NXPH1: variants seen among roughly 807,000 people sequenced by gnomAD.
NXPH1 encodes the protein neurexophilin-1.
In NXPH1, 5 loss-of-function variants were observed where a neutral mutation model predicts 23.7. The ratio of observed to expected loss-of-function variants is 0.21; its 90% CI spans 0.11 to 0.44. The LOEUF (loss-of-function observed/expected upper bound fraction) is 0.44, where lower values mean the gene tolerates loss of function less well. Among genes scored for constraint, NXPH1 ranks in the 20% least tolerant of loss-of-function variants. The pLI is 0.99. For synonymous variants in NXPH1, 144 were observed against 122.2 expected, an observed-to-expected ratio of 1.18 and a Z score of -1.18; for missense variants, 324 against 321.6, an observed-to-expected ratio of 1.01 and a Z score of -0.06.
At chr7:8,557,626 C>T (rs1353988617) in intron 2 of NXPH1, among the ~76,000 whole-genome samples, 2 of 151,744 alleles carry the variant, frequency 1.3e-5, no homozygotes, top group African/African-American at 2.4e-5. Flanking sequence ...TGGGGTTTTA[C>T]CCATTGTTAT....
intron 2 of NXPH1, among the ~76,000 whole-genome samples, chr7:8,600,897 G>T (rs28600327): frequency 1.3e-5 from 2 of 151,458 alleles, no homozygotes; most frequent in Non-Finnish European, 2.9e-5. Flanking sequence ...ATTAAAAAAA[G>T]TTATGTCTGT....
At chr7:8,504,869 G>A (rs1368530155) in intron 2 of NXPH1, among the ~76,000 whole-genome samples, 3 of 152,142 alleles carry the variant, frequency 2.0e-5, no homozygotes, top group Non-Finnish European at 2.9e-5. Context: ...ACCAGACACC[G>A]GATCTGCTGG....
intron 2 of NXPH1, among the ~76,000 whole-genome samples, chr7:8,642,694 A>G (rs764478819): frequency 3.3e-5 from 5 of 152,130 alleles, no homozygotes; most frequent in Non-Finnish European, 7.4e-5. Context: ...CTATTCGTCC[A>G]TATTTTCATA....
At chr7:8,520,130 T>G (rs1482331946) in intron 2 of NXPH1, among the ~76,000 whole-genome samples, 1 of 152,142 alleles carries the variant, frequency 6.6e-6, no homozygotes, top group Non-Finnish European at 1.5e-5. Flanking sequence ...AACTCCTTGA[T>G]CATGTGTCAC....
At chr7:8,627,219 A>C (rs1243821696) in intron 2 of NXPH1, among the ~76,000 whole-genome samples, 1 of 152,112 alleles carries the variant, frequency 6.6e-6, no homozygotes, top group Non-Finnish European at 1.5e-5. Context: ...TATTATTTAC[A>C]TACCTGGGAA....
chr7:8,530,865 A>C (rs1817940000), intron 2 of NXPH1, among the ~76,000 whole-genome samples: 1 of 152,242 alleles, frequency 6.6e-6, no homozygotes, highest in East Asian at 1.9e-4. Flanking sequence ...AGTTAATACC[A>C]ATTTATTTGT....
intron 2 of NXPH1, among the ~76,000 whole-genome samples, chr7:8,513,205 C>G (rs1027832090): frequency 1.6e-4 from 24 of 152,102 alleles, no homozygotes; most frequent in South Asian, 6.2e-4. Flanking sequence ...AGGAATTTTA[C>G]AGGTGGATGA....
chr7:8,743,600 G>T (rs1043872784), intron 2 of NXPH1, among the ~76,000 whole-genome samples: 5 of 151,938 alleles, frequency 3.3e-5, no homozygotes, highest in Middle Eastern at 3.2e-3. Flanking sequence ...ATTATGAGAT[G>T]ATATTAGAAC....
At chr7:8,621,213 C>A (rs17152820) in intron 2 of NXPH1, among the ~76,000 whole-genome samples, 1 of 152,116 alleles carries the variant, frequency 6.6e-6, no homozygotes, top group South Asian at 2.1e-4. Context: ...AAGTGATAGT[C>A]ACCATGAAAG....
At chr7:8,635,736 T>C (rs1820209057) in intron 2 of NXPH1, among the ~76,000 whole-genome samples, 1 of 152,224 alleles carries the variant, frequency 6.6e-6, no homozygotes, top group African/African-American at 2.4e-5. Flanking sequence ...GAATTGTTTC[T>C]TGGAAGCATT....
At chr7:8,569,981 A>G (rs1818615130) in intron 2 of NXPH1, among the ~76,000 whole-genome samples, 1 of 151,870 alleles carries the variant, frequency 6.6e-6, no homozygotes, top group Non-Finnish European at 1.5e-5. Context: ...AAATATGACA[A>G]TGTATGTAAA....
chr7:8,703,124 TATC>T lies in NXPH1; in HGVS notation c.55-47883_55-47881del, dbSNP rs544482120. On this transcript the variant is annotated intron_variant, in intron 2 of 2. Transcript: ENST00000405863. ...TAGTAATTGAAGTTGAATGGAAACT[TATC>T]TTGGCCTTCCCCAAATCAGCCTCAT... is the stretch of plus-strand genomic sequence containing the variant. Among the ~76,000 whole-genome samples, 5 of 152,186 alleles carry T rather than the reference TATC, an allele frequency of 3.3e-5. No homozygotes were observed. In the East Asian group the frequency reaches 9.7e-4, roughly 29 times the overall value.
chr7:8,682,483 A>G (rs566011523), intron 2 of NXPH1, among the ~76,000 whole-genome samples: 1 of 152,360 alleles, frequency 6.6e-6, no homozygotes, highest in South Asian at 2.1e-4. Context: ...TGGAATATTT[A>G]CAAGATACCA....
At chr7:8,562,245 A>G (rs1818457812) in intron 2 of NXPH1, among the ~76,000 whole-genome samples, 1 of 151,748 alleles carries the variant, frequency 6.6e-6, no homozygotes, top group Non-Finnish European at 1.5e-5. Flanking sequence ...GAGGCTTTTT[A>G]AGAAGAGGTT....
intron 2 of NXPH1, among the ~76,000 whole-genome samples, chr7:8,645,812 A>G (rs766172247): frequency 6.6e-6 from 1 of 152,098 alleles, no homozygotes; most frequent in African/African-American, 2.4e-5. Flanking sequence ...TGGAATTCCC[A>G]ACACCATTAT....
At chr7:8,593,480 C>A (rs1304035216) in intron 2 of NXPH1, among the ~76,000 whole-genome samples, 1 of 151,756 alleles carries the variant, frequency 6.6e-6, no homozygotes, top group East Asian at 1.9e-4. Context: ...AAGTTGATTT[C>A]TCTTCCCTTG....
chr7:8,731,712 C>T (rs912718178), intron 2 of NXPH1, among the ~76,000 whole-genome samples: 1 of 152,226 alleles, frequency 6.6e-6, no homozygotes, highest in Non-Finnish European at 1.5e-5. Flanking sequence ...AGATCTCCAG[C>T]TGCATGCTGG....
At chr7:8,679,542 A>C (rs1190292049) in intron 2 of NXPH1, among the ~76,000 whole-genome samples, 3 of 152,224 alleles carry the variant, frequency 2.0e-5, no homozygotes, top group Non-Finnish European at 4.4e-5. Flanking sequence ...TTAATTGTTA[A>C]AATCTTATTG....
intron 2 of NXPH1, among the ~76,000 whole-genome samples, chr7:8,585,020 T>C (rs554018124): frequency 1.3e-5 from 2 of 152,206 alleles, no homozygotes; most frequent in Non-Finnish European, 2.9e-5. Flanking sequence ...ATTTTACATT[T>C]TGATTACTTT....
Sources: gnomAD v4.1 joint callset for allele counts (sites outside exome capture counted in the v4.1 genomes callset) on GRCh38, gnomAD v4.1.1 for gene constraint, MANE v1.5 for transcripts, NCBI Gene and HGNC (gene_info 2026-07-23, HGNC 2026-07-21) for gene names.